LOC131768270: variants seen among roughly 807,000 people sequenced by gnomAD.
chr5:140,566,379 A>G, the LOC131768270 span, among the ~76,000 whole-genome samples: 1 of 152,014 alleles, frequency 6.6e-6, no homozygotes, highest in South Asian at 2.1e-4. Flanking sequence ...GGGTTCTGAG[A>G]TTGTGTGATC....
the LOC131768270 span, chr5:140,564,871 G>T: frequency 7.4e-6 from 3 of 406,178 alleles, no homozygotes; most frequent in Non-Finnish European, 1.3e-5. The surrounding 1 kb of genome is among the most constrained non-coding windows in gnomAD (Gnocchi z 5.0). Flanking sequence ...GAGTGGCCGT[G>T]GGGGTGATCT....
the LOC131768270 span, chr5:140,567,290 C>T: frequency 6.2e-7 from 1 of 1,614,184 alleles, no homozygotes; most frequent in Non-Finnish European, 8.5e-7. Context: ...GGCACTGTGC[C>T]ATGTGGACGG....
the LOC131768270 span, chr5:140,567,252 C>T: frequency 1.2e-6 from 2 of 1,614,238 alleles, no homozygotes; most frequent in East Asian, 2.2e-5. Flanking sequence ...CTATCCACTG[C>T]CATGTACGGT....
At chr5:140,567,598 G>GT in the LOC131768270 span, 2 of 1,614,142 alleles carry the variant, frequency 1.2e-6, no homozygotes, top group African/African-American at 2.7e-5. Flanking sequence ...TGCGTCAGGG[G>GT]TTAGCGCTGC....
At chr5:140,566,975 C>G in the LOC131768270 span, 17 of 828,400 alleles carry the variant, frequency 2.1e-5, no homozygotes, top group East Asian at 4.0e-4. Context: ...CGCCCCAAGA[C>G]TGTGGCTTCA....
At chr5:140,567,846 C>T in the LOC131768270 span, 1 of 1,614,170 alleles carries the variant, frequency 6.2e-7, no homozygotes. Flanking sequence ...TTCCTCTACA[C>T]TTTTGGTGTG....
chr5:140,566,990 C>A, the LOC131768270 span: 1 of 950,064 alleles, frequency 1.1e-6, no homozygotes, highest in Non-Finnish European at 1.6e-6. Context: ...GCTTCAAGGA[C>A]CACCAGCCCC....
the LOC131768270 span, chr5:140,566,708 C>T: frequency 1.7e-6 from 1 of 576,102 alleles, no homozygotes; most frequent in South Asian, 2.3e-5. Context: ...CTGTGCCCAA[C>T]GTGGAGAAGA....
the LOC131768270 span, chr5:140,567,967 C>T: frequency 3.7e-6 from 6 of 1,614,200 alleles, no homozygotes; most frequent in Admixed American, 3.3e-5. Context: ...ATGGACTGCT[C>T]ATGTCTGCTG....
the LOC131768270 span, chr5:140,566,059 A>G: frequency 2.3e-5 from 9 of 397,762 alleles, no homozygotes; most frequent in East Asian, 3.2e-4. Flanking sequence ...AGATTTCTTC[A>G]GCAAGTGATT....
chr5:140,566,802 C>G, the LOC131768270 span: 5 of 600,992 alleles, frequency 8.3e-6, no homozygotes, highest in African/African-American at 9.3e-5. Flanking sequence ...GCAGCTCAGC[C>G]TTCAGGTGGA....
chr5:140,564,880 C>A, the LOC131768270 span: 1 of 405,912 alleles, frequency 2.5e-6, no homozygotes, highest in Non-Finnish European at 4.3e-6. The surrounding 1 kb of genome is among the most constrained non-coding windows in gnomAD (Gnocchi z 5.0). Flanking sequence ...TGGGGGTGAT[C>A]TGCAGCCGGG....
chr5:140,568,118 A>G, the LOC131768270 span: 51 of 1,613,512 alleles, frequency 3.2e-5, no homozygotes, highest in Non-Finnish European at 3.6e-5. Flanking sequence ...TGGCCTGGCC[A>G]TGCGCCTGTA....
At chr5:140,567,133 C>T in the LOC131768270 span, 1 of 1,614,006 alleles carries the variant, frequency 6.2e-7, no homozygotes, top group Non-Finnish European at 8.5e-7. Flanking sequence ...TGTTGCAATC[C>T]CTGCTGCCCC....
At chr5:140,566,626 A>C in the LOC131768270 span, 1 of 443,202 alleles carries the variant, frequency 2.3e-6, no homozygotes, top group Non-Finnish European at 4.0e-6. Flanking sequence ...GTGGTGGCCA[A>C]ACTGAGGGCA....
the LOC131768270 span, chr5:140,566,871 C>T: frequency 4.9e-6 from 3 of 611,820 alleles, no homozygotes; most frequent in Non-Finnish European, 8.8e-6. Flanking sequence ...TTTCCTGCCA[C>T]CTTCATCCTT....
the LOC131768270 span, chr5:140,568,370 C>T: frequency 1.4e-5 from 9 of 651,396 alleles, no homozygotes; most frequent in Non-Finnish European, 2.4e-5. Flanking sequence ...GCTTACCATC[C>T]CCCACCCCCA....
At chr5:140,567,293 G>A in the LOC131768270 span, 1 of 1,614,162 alleles carries the variant, frequency 6.2e-7, no homozygotes, top group Admixed American at 1.7e-5. Context: ...ACTGTGCCAT[G>A]TGGACGGCCG....
At chr5:140,567,370 C>A in the LOC131768270 span, 5 of 1,614,084 alleles carry the variant, frequency 3.1e-6, no homozygotes, top group African/African-American at 6.7e-5. Flanking sequence ...TATGCGCCTT[C>A]TCCCTTCTGG....
Sources: allele counts gnomAD v4.1 joint callset (sites outside exome capture counted in the v4.1 genomes callset), GRCh38; gene constraint gnomAD v4.1.1; non-coding constraint Gnocchi (gnomAD v3.1); transcripts MANE v1.5.